Variants in SP140 observed in about 807,000 individuals in gnomAD.
SP140 encodes the protein nuclear body protein SP140.
In SP140, 81 loss-of-function variants were observed where a neutral mutation model predicts 125.0. That is an observed-to-expected ratio of 0.65 (90% confidence interval 0.54 to 0.78). The LOEUF (loss-of-function observed/expected upper bound fraction) is 0.78, where lower values mean the gene tolerates loss of function less well. Ranked by LOEUF, SP140 falls within the 30% of genes least tolerant of loss-of-function variation. The pLI, the probability that SP140 is intolerant of heterozygous loss-of-function variation, is 0.00. For missense variants in SP140, 858 were observed against 1,037.0 expected, an observed-to-expected ratio of 0.83 and a Z score of 2.37; for synonymous variants, 312 against 354.0, an observed-to-expected ratio of 0.88 and a Z score of 1.33.
intron 21 of SP140, among the ~76,000 whole-genome samples, chr2:230,296,564 T>C (rs1206495080): frequency 6.6e-6 from 1 of 152,200 alleles, no homozygotes; most frequent in African/African-American, 2.4e-5. Flanking sequence ...GGAGAGAGTT[T>C]CAGGAAAAAG....
intron 12 of SP140, among the ~76,000 whole-genome samples, chr2:230,261,746 G>A (rs2052289627): frequency 6.6e-6 from 1 of 152,092 alleles, no homozygotes; most frequent in African/African-American, 2.4e-5. Context: ...TTTATGTGGT[G>A]TATCATATTT....
the SP140 span, among the ~76,000 whole-genome samples, chr2:230,195,294 T>C: frequency 6.6e-6 from 1 of 152,142 alleles, no homozygotes; most frequent in African/African-American, 2.4e-5. Context: ...TGAATAAAGA[T>C]GGATCAGGAA....
At chr2:230,278,023 G>A (rs1011599582) in intron 15 of SP140, among the ~76,000 whole-genome samples, 2 of 152,032 alleles carry the variant, frequency 1.3e-5, no homozygotes, top group African/African-American at 4.8e-5. Flanking sequence ...TGGATTGTAT[G>A]TATTTCTGTT....
At chr2:230,216,652 G>C in intron 3 of SP140, 1 of 1,121,916 alleles carries the variant, frequency 8.9e-7, no homozygotes, top group Non-Finnish European at 1.3e-6. Context: ...CCCACCTTCT[G>C]TGATAATGAA....
chr2:230,264,343 T>C (rs555062331), intron 12 of SP140, among the ~76,000 whole-genome samples: 36 of 152,360 alleles, frequency 2.4e-4, no homozygotes, highest in African/African-American at 8.2e-4. Context: ...TTCTTTAAGC[T>C]ATCTATTTGC....
intron 21 of SP140, 102 bp from the exon 22 acceptor site, chr2:230,297,319 G>T: frequency 2.9e-6 from 4 of 1,361,930 alleles, no homozygotes; most frequent in Non-Finnish European, 4.0e-6. Context: ...TTTAACAACT[G>T]GTTCCTGAAT....
intron 21 of SP140, among the ~76,000 whole-genome samples, chr2:230,296,492 T>C (rs2057744606): frequency 6.6e-6 from 1 of 152,214 alleles, no homozygotes; most frequent in Non-Finnish European, 1.5e-5. Flanking sequence ...ATAAATGTAG[T>C]GGGTTACCTC....
rs1574757707 is a variant in SP140, at chr2:230,212,541, G to A, written c.-322-1113G>A. Reference sequence around the variant, plus strand: ...GAGCATCAAGGCACAAGGGCAGAGGGTTGGAATGTCCCGGGAGTGGGAAGC... The same window carrying A: ...GAGCATCAAGGCACAAGGGCAGAGGATTGGAATGTCCCGGGAGTGGGAAGC... On this transcript the variant is annotated intron_variant, in intron 1 of 4. Transcript: ENST00000456542. 8 of 1,078,294 alleles carry A rather than the reference G, an allele frequency of 7.4e-6. No individual in the cohort carries two copies. In the East Asian group the frequency reaches 1.9e-4, roughly 25 times the overall value. The allele number at this position is 1,078,294 out of a possible 1,614,324, so 66.8% of individuals were successfully genotyped here.
intron 10 of SP140, 118 bp from the exon 11 acceptor site, chr2:230,253,198 G>A (rs2050634470): frequency 1.4e-6 from 1 of 713,770 alleles, no homozygotes; most frequent in South Asian, 1.7e-5. Context: ...AGAAAGAGGA[G>A]ATGTAACAAG....
At chr2:230,272,445 C>A (rs571856758) in intron 15 of SP140, among the ~76,000 whole-genome samples, 9 of 152,046 alleles carry the variant, frequency 5.9e-5, no homozygotes, top group Non-Finnish European at 1.2e-4. Context: ...TCATAGGGGC[C>A]GGTTTTTCCT....
intron 1 of SP140, 54 bp downstream of exon 1, chr2:230,225,957 T>C: frequency 7.1e-7 from 1 of 1,410,482 alleles, no homozygotes; most frequent in Non-Finnish European, 1.0e-6. Context: ...GGGTTCCCTT[T>C]CATACTTGTT....
At chr2:230,262,863 G>A (rs550719616) in intron 12 of SP140, among the ~76,000 whole-genome samples, 9 of 152,120 alleles carry the variant, frequency 5.9e-5, no homozygotes, top group East Asian at 5.8e-4. Context: ...ATTGAGGCTC[G>A]TTTTATGGCC....
At chr2:230,228,699 A>G (rs947844026) in intron 1 of SP140, among the ~76,000 whole-genome samples, 2 of 152,216 alleles carry the variant, frequency 1.3e-5, no homozygotes, top group African/African-American at 2.4e-5. Flanking sequence ...TGAAATTGAT[A>G]TAGCTACTAT....
intron 22 of SP140, among the ~76,000 whole-genome samples, chr2:230,297,809 G>A (rs1290631363): frequency 6.6e-6 from 1 of 152,198 alleles, no homozygotes; most frequent in South Asian, 2.1e-4. Flanking sequence ...AGGAACAAAT[G>A]TGAGAGGATA....
At chr2:230,204,132 G>A (rs1228960453) in intron 1 of SP140, among the ~76,000 whole-genome samples, 1 of 152,184 alleles carries the variant, frequency 6.6e-6, no homozygotes, top group Non-Finnish European at 1.5e-5. Flanking sequence ...ACAATATGAA[G>A]AAAGGCAAAT....
chr2:230,200,790 A>G (rs2043102635), upstream of SP140: 7 of 1,020,602 alleles, frequency 6.9e-6, no homozygotes, highest in East Asian at 1.7e-4. Flanking sequence ...TAATAATGAA[A>G]AAAAAAAGTT....
rs780616663 is a variant in SP140, at chr2:230,243,769, G to C, written c.529G>C (p.Val177Leu). ...CTGTCATGAAATGGATGATATAGCAGTGCCTCAGGAAGCCTTGAGCTCCTC... is the reference window on the plus strand; with the variant it reads ...CTGTCATGAAATGGATGATATAGCACTGCCTCAGGAAGCCTTGAGCTCCTC... ...NACHEMDDIA[V>L]PQEALSSSPR... The change falls in exon 5 of 27, where the codon GTG becomes CTG. Residue 177 changes from valine to leucine, a missense_variant. Val to Leu is a conservative substitution (Grantham distance 32). This residue lies in a region of SP140 where 791 missense variants were observed against 869.5 expected (regional missense o/e 0.91). Coordinates refer to ENST00000392045, the MANE Select transcript of SP140 (RefSeq NM_007237.5). 6.2e-7 allele frequency: 1 copy of C among 1,613,188 alleles called. No homozygotes were observed. The highest frequency in any genetic ancestry group is 1.1e-5 in the South Asian group (1 of 91,050).
intron 15 of SP140, among the ~76,000 whole-genome samples, chr2:230,278,795 T>C (rs566834679): frequency 2.0e-5 from 3 of 152,176 alleles, no homozygotes; most frequent in African/African-American, 7.2e-5. Flanking sequence ...CTTGTCAAGA[T>C]TAAATGCCCC....
chr2:230,302,656 G>A (rs72990223), intron 22 of SP140, among the ~76,000 whole-genome samples: 1 of 152,218 alleles, frequency 6.6e-6, no homozygotes, highest in Non-Finnish European at 1.5e-5. Flanking sequence ...CCATATCATA[G>A]GCCACATAAC....
Sources: allele counts gnomAD v4.1 joint callset (sites outside exome capture counted in the v4.1 genomes callset), GRCh38; gene constraint gnomAD v4.1.1; regional missense constraint gnomAD v4.1.1; transcripts MANE v1.5; gene names NCBI Gene and HGNC (gene_info 2026-07-23, HGNC 2026-07-21).